MARCHF3: variants seen among roughly 807,000 people sequenced by gnomAD.
MARCHF3 encodes the protein membrane associated ring-CH-type finger 3, also known as E3 ubiquitin-protein ligase MARCHF3.
In MARCHF3, 13 loss-of-function variants were observed where a neutral mutation model predicts 24.2. The ratio of observed to expected loss-of-function variants is 0.54; its 90% CI spans 0.35 to 0.85. MARCHF3 has a LOEUF of 0.85. Among genes scored for constraint, MARCHF3 ranks in the 40% least tolerant of loss-of-function variants. The pLI, the probability that MARCHF3 is intolerant of heterozygous loss-of-function variation, is 0.01. For missense variants in MARCHF3, 276 were observed against 325.0 expected, an observed-to-expected ratio of 0.85 and a Z score of 1.16; for synonymous variants, 144 against 137.3, an observed-to-expected ratio of 1.05 and a Z score of -0.34.
intron 1 of MARCHF3, among the ~76,000 whole-genome samples, chr5:127,021,079 GT>G (rs1189321397): frequency 6.6e-6 from 1 of 151,806 alleles, no homozygotes; most frequent in Non-Finnish European, 1.5e-5. Flanking sequence ...TGATCTATTT[GT>G]TACAGCAACC....
Position 126,909,384 on chromosome 5 carries a change from C to G in MARCHF3, c.393+5546G>C, listed in dbSNP as rs372584526. On this transcript the variant is annotated intron_variant, in intron 3 of 4. Coordinates refer to ENST00000308660, the MANE Select transcript of MARCHF3 (RefSeq NM_178450.5). ...TTCCCGGCTGCTTTGTTTACCTAATCAAGCCTGGGCAATGGCGGGCGCCCC... is the reference window on the plus strand; with the variant it reads ...TTCCCGGCTGCTTTGTTTACCTAATGAAGCCTGGGCAATGGCGGGCGCCCC... Among the ~76,000 whole-genome samples, 214 of 152,354 alleles carry G rather than the reference C, an allele frequency of 1.4e-3. 2 individuals are homozygous for G. The East Asian group carries it at 0.022, about 15-fold the overall frequency.
chr5:126,938,326 C>T (rs143623905), intron 1 of MARCHF3, among the ~76,000 whole-genome samples: 1 of 151,908 alleles, frequency 6.6e-6, no homozygotes, highest in African/African-American at 2.4e-5. Flanking sequence ...TGCCACCACA[C>T]CTGGCTAATT....
At chr5:126,916,692 G>GACAGACACACAC (rs750408549) in intron 2 of MARCHF3, among the ~76,000 whole-genome samples, 68 of 130,556 alleles carry the variant, frequency 5.2e-4, no homozygotes, top group African/African-American at 7.0e-4. Flanking sequence ...CAGACAGACA[G>GACAGACACACAC]ACACACACAC....
intron 1 of MARCHF3, among the ~76,000 whole-genome samples, chr5:127,013,527 C>T (rs1739499850): frequency 6.6e-6 from 1 of 152,082 alleles, no homozygotes; most frequent in South Asian, 2.1e-4. Context: ...CAATTATACA[C>T]CCAAATCTAC....
Position 126,878,178 on chromosome 5 carries a change from T to A in MARCHF3, c.603+7A>T. On this transcript the variant is annotated splice_region_variant and intron_variant, in intron 4 of 4. Coordinates refer to ENST00000308660, the MANE Select transcript of MARCHF3 (RefSeq NM_178450.5). ...TGGCCTGAACCCCAGCCACGGCCCA[T>A]ACTTACTAGTGTCCAAAAGAGGTAA... 2 of 1,613,844 alleles carry A rather than the reference T, an allele frequency of 1.2e-6. No homozygotes were observed. The highest frequency in any genetic ancestry group is 1.7e-6 in the Non-Finnish European group (2 of 1,179,742).
chr5:126,971,190 C>T (rs1750996332), intron 1 of MARCHF3, among the ~76,000 whole-genome samples: 1 of 152,038 alleles, frequency 6.6e-6, no homozygotes, highest in Admixed American at 6.5e-5. Flanking sequence ...TGGCACACAC[C>T]TGTAATCCCA....
intron 1 of MARCHF3, among the ~76,000 whole-genome samples, chr5:126,962,539 C>T (rs1332566282): frequency 1.3e-5 from 2 of 151,806 alleles, no homozygotes; most frequent in African/African-American, 4.8e-5. Flanking sequence ...TGACATGATG[C>T]CACAAGTGGA....
At chr5:126,923,511 C>T (rs1749196592) in intron 1 of MARCHF3, among the ~76,000 whole-genome samples, 1 of 152,198 alleles carries the variant, frequency 6.6e-6, no homozygotes. Context: ...TGTGAGCTGC[C>T]TGGACAGCGG....
intron 1 of MARCHF3, among the ~76,000 whole-genome samples, 155 bp from the exon 2 acceptor site, chr5:126,918,382 GCACACACACACA>G (rs112284753): frequency 8.4e-4 from 125 of 149,530 alleles, no homozygotes; most frequent in Non-Finnish European, 1.2e-3. Flanking sequence ...TAATACAAGT[GCACACACACACA>G]CACACACAGA....
chr5:126,985,394 C>T (rs1195795855), intron 1 of MARCHF3, among the ~76,000 whole-genome samples: 1 of 151,462 alleles, frequency 6.6e-6, no homozygotes, highest in Non-Finnish European at 1.5e-5. Flanking sequence ...CTTAGTGAAT[C>T]ATATGATGGG....
chr5:126,961,666 G>A (rs1750642394), intron 1 of MARCHF3, among the ~76,000 whole-genome samples: 1 of 152,086 alleles, frequency 6.6e-6, no homozygotes, highest in Non-Finnish European at 1.5e-5. Flanking sequence ...GTATTCTTTG[G>A]ATCTAATAAG....
At chr5:127,014,840 T>C (rs966850374) in intron 1 of MARCHF3, among the ~76,000 whole-genome samples, 5 of 152,146 alleles carry the variant, frequency 3.3e-5, no homozygotes, top group Non-Finnish European at 5.9e-5. Flanking sequence ...AGAAATTGGT[T>C]AAAGGATATA....
At chr5:126,930,810 T>C (rs182670792) in intron 1 of MARCHF3, among the ~76,000 whole-genome samples, 137 of 152,372 alleles carry the variant, frequency 9.0e-4, no homozygotes, top group Middle Eastern at 3.4e-3. Context: ...GGCTGACAAG[T>C]GTCTCTGAGA....
intron 3 of MARCHF3, among the ~76,000 whole-genome samples, chr5:126,901,055 A>C (rs1422497662): frequency 6.6e-6 from 1 of 152,080 alleles, no homozygotes; most frequent in Non-Finnish European, 1.5e-5. Context: ...TGAGGCTGAA[A>C]GTATTTAAGA....
intron 1 of MARCHF3, among the ~76,000 whole-genome samples, chr5:126,929,907 C>T (rs181965144): frequency 7.0e-4 from 107 of 152,212 alleles, no homozygotes; most frequent in Non-Finnish European, 1.2e-3. Flanking sequence ...TTGTTTGCTG[C>T]CTTGCAAGAC....
At chr5:126,971,627 T>C (rs980708571) in intron 1 of MARCHF3, among the ~76,000 whole-genome samples, 2 of 152,132 alleles carry the variant, frequency 1.3e-5, no homozygotes, top group African/African-American at 4.8e-5. Context: ...TCAGCAGCTC[T>C]TACACTGCTC....
At chr5:126,890,917 G>A (rs2126775376) in intron 3 of MARCHF3, among the ~76,000 whole-genome samples, 1 of 148,604 alleles carries the variant, frequency 6.7e-6, no homozygotes, top group Non-Finnish European at 1.5e-5. Flanking sequence ...GTGTAAAAGT[G>A]TTCCTATTTC....
At position 127,029,102 on chromosome 5, in the gene MARCHF3, T is replaced by TAC. The variant is rs1753092355; in HGVS notation, c.-57+1246_-57+1247dup. On this transcript the variant is annotated intron_variant, in intron 1 of 4. Transcript: ENST00000308660. Reference sequence around the variant, plus strand: ...AGGCAGATGCAGACATGCTTACGCATACACACTCACTAACACCCCACAGCT... The same window carrying TAC: ...AGGCAGATGCAGACATGCTTACGCATACACACACTCACTAACACCCCACAGCT... Among the ~76,000 whole-genome samples the TAC allele has an allele frequency of 4.6e-5, 7 of 152,350 alleles. No individual in the cohort carries two copies. The South Asian group carries it at 1.4e-3, about 32-fold the overall frequency.
At chr5:127,021,931 AC>A (rs1752817705) in intron 1 of MARCHF3, among the ~76,000 whole-genome samples, 1 of 152,244 alleles carries the variant, frequency 6.6e-6, no homozygotes, top group East Asian at 1.9e-4. Context: ...CAAAAGACAC[AC>A]CAGTCCACAT....
Sources: gnomAD v4.1 joint callset for allele counts (sites outside exome capture counted in the v4.1 genomes callset) on GRCh38, gnomAD v4.1.1 for gene constraint, MANE v1.5 for transcripts, NCBI Gene and HGNC (gene_info 2026-07-23, HGNC 2026-07-21) for gene names.